The following COPG1 variants were observed in gnomAD, a reference collection of about 807,000 sequenced individuals.
COPG1 encodes the protein coatomer subunit gamma-1.
COPG1 carries 29 observed loss-of-function variants against 102.8 expected under a neutral mutation model. The ratio of observed to expected loss-of-function variants is 0.28; its 90% CI spans 0.21 to 0.38. COPG1 has a LOEUF of 0.38. Among genes scored for constraint, COPG1 ranks in the 10% least tolerant of loss-of-function variants. The pLI is 1.00. For synonymous variants in COPG1, 406 were observed against 421.6 expected (o/e 0.96, Z 0.45); for missense variants, 875 against 1,132.7 (o/e 0.77, Z 3.27).
intron 4 of COPG1, 23 bp from the exon 5 acceptor site, chr3:129,252,853 G>A: frequency 6.2e-7 from 1 of 1,612,484 alleles, no homozygotes; most frequent in African/African-American, 1.3e-5. Context: ...GGGCTGATAG[G>A]GCTTTTCCCA....
At chr3:129,276,690 G>A (rs1332468437) in intron 23 of COPG1, among the ~76,000 whole-genome samples, 2 of 152,164 alleles carry the variant, frequency 1.3e-5, no homozygotes, top group Non-Finnish European at 2.9e-5. Flanking sequence ...ACGTGCAAGA[G>A]CCTCTGTGAC....
intron 23 of COPG1, among the ~76,000 whole-genome samples, chr3:129,276,026 T>C (rs944219616): frequency 6.6e-6 from 1 of 152,202 alleles, no homozygotes; most frequent in African/African-American, 2.4e-5. Context: ...ACACTGAGAA[T>C]ATCTGTAGGA....
intron 19 of COPG1, 159 bp from the exon 20 acceptor site, chr3:129,272,083 TGG>T (rs1431850439): frequency 1.0e-6 from 1 of 970,292 alleles, no homozygotes; most frequent in Admixed American, 2.6e-5. Flanking sequence ...GGGACATCCA[TGG>T]CTCCCGATTG....
At chr3:129,276,949 G>C (rs1051431942) in intron 23 of COPG1, among the ~76,000 whole-genome samples, 3 of 150,262 alleles carry the variant, frequency 2.0e-5, no homozygotes, top group Non-Finnish European at 2.9e-5. Flanking sequence ...TCAGCCTCCC[G>C]AGTAGCTGGG....
chr3:129,255,403 T>C (rs1336450452), intron 7 of COPG1, among the ~76,000 whole-genome samples: 1 of 152,014 alleles, frequency 6.6e-6, no homozygotes, highest in Non-Finnish European at 1.5e-5. Context: ...GGTCTTGAAC[T>C]ACAGACCTCA....
chr3:129,254,915 C>A (rs887342417), intron 6 of COPG1, 70 bp from the exon 7 acceptor site: 3 of 1,336,634 alleles, frequency 2.2e-6, no homozygotes, highest in Non-Finnish European at 3.2e-6. Context: ...TCTCTGCCCC[C>A]ATTCCTGCAC....
At chr3:129,267,583 G>A (rs73202215) in intron 15 of COPG1, among the ~76,000 whole-genome samples, 29 of 152,078 alleles carry the variant, frequency 1.9e-4, no homozygotes, top group Non-Finnish European at 3.5e-4. Flanking sequence ...ATCATGCCCC[G>A]CATTCCAGCC....
chr3:129,252,433 ACT>A (rs1939719646), intron 3 of COPG1, 72 bp downstream of exon 3: 1 of 1,196,338 alleles, frequency 8.4e-7, no homozygotes, highest in South Asian at 1.2e-5. Context: ...AATCATGATC[ACT>A]CTTAGGCTAT....
intron 19 of COPG1, 54 bp from the exon 20 acceptor site, chr3:129,272,190 C>A: frequency 6.6e-7 from 1 of 1,521,150 alleles, no homozygotes; most frequent in Non-Finnish European, 9.1e-7. Context: ...TTTTCCTCTG[C>A]AGCATGGCTC....
intron 1 of COPG1, 38 bp downstream of exon 1, chr3:129,249,784 C>T: frequency 6.5e-7 from 1 of 1,530,630 alleles, no homozygotes; most frequent in Non-Finnish European, 8.8e-7. Flanking sequence ...GAGGCCGGAC[C>T]CCCACCCGCC....
chr3:129,275,304 T>G lies in COPG1; in HGVS notation c.2494+12T>G. On this transcript the variant is annotated intron_variant, in intron 23 of 23. Transcript: ENST00000314797. The surrounding 1 kb of genome is among the most constrained non-coding windows in gnomAD (Gnocchi z 5.0). ...GTTGCTCCTGGCTGGTAAGTGGCATTTCTAGATGGGGAGGGCCTGGATAGC... is the reference window on the plus strand; with the variant it reads ...GTTGCTCCTGGCTGGTAAGTGGCATGTCTAGATGGGGAGGGCCTGGATAGC... 1 of 1,612,208 alleles carries G rather than the reference T, an allele frequency of 6.2e-7. No individual in the cohort carries two copies. Among genetic ancestry groups the G allele is most frequent in the Non-Finnish European group, 8.5e-7 (1 of 1,178,308 alleles).
At position 129,268,927 on chromosome 3, in the gene COPG1, T is replaced by G. The variant is rs1940125234; in HGVS notation, c.1775-5T>G. The G allele has an allele frequency of 6.2e-7, 1 of 1,614,048 alleles. No homozygotes were observed. The highest frequency in any genetic ancestry group is 1.7e-5 in the Admixed American group (1 of 60,022). On this transcript the variant is annotated splice_polypyrimidine_tract_variant and splice_region_variant and intron_variant, in intron 17 of 23. Coordinates refer to ENST00000314797, the MANE Select transcript of COPG1 (RefSeq NM_016128.4). ...GGTCATCACGTGTATAATTTGCTCC[T>G]GCAGAAAGTACCCCCATCACAGCAG...
chr3:129,255,091 G>A lies in COPG1; in HGVS notation c.492+14G>A. On this transcript the variant is annotated intron_variant, in intron 7 of 23. Coordinates refer to ENST00000314797, the MANE Select transcript of COPG1 (RefSeq NM_016128.4). ...GTGTCTTCCTTGGTGTGTAGTTGCT[G>A]CTGGAGCCCTGCTGGGGGTGGGGTA... 6.3e-7 allele frequency: 1 copy of A among 1,587,516 alleles called. No homozygotes were observed. Among genetic ancestry groups the A allele is most frequent in the Non-Finnish European group, 8.6e-7 (1 of 1,156,220 alleles).
chr3:129,252,200 C>G, intron 2 of COPG1, 81 bp from the exon 3 acceptor site: 2 of 1,014,356 alleles, frequency 2.0e-6, no homozygotes, highest in Non-Finnish European at 3.1e-6. Context: ...TCAGTTTACC[C>G]TGAGACTTCT....
rs1174458653 is a variant in COPG1, at chr3:129,267,096, A to T, written c.1541A>T (p.Lys514Met). 4.3e-6 allele frequency: 7 copies of T among 1,613,648 alleles called. No homozygotes were observed. In the South Asian group the frequency reaches 7.7e-5, roughly 18 times the overall value. ...EMLPSILVLL[K>M]RCVMDDDNEV... Reference sequence around the variant, plus strand: ...TTACCCAGTATCTTGGTGTTGCTGAAGAGGTGAGTCTAGGCCCAGGGGCCC... The same window carrying T: ...TTACCCAGTATCTTGGTGTTGCTGATGAGGTGAGTCTAGGCCCAGGGGCCC... Residue 514 changes from lysine (K) to methionine (M), a missense_variant, in exon 15 of 24, where the codon AAG becomes ATG. By Grantham distance (95) the Lys-to-Met change is moderately conservative. Transcript: ENST00000314797.
chr3:129,264,881 G>T (rs1036347112), intron 13 of COPG1, among the ~76,000 whole-genome samples: 5 of 151,722 alleles, frequency 3.3e-5, no homozygotes, highest in Non-Finnish European at 4.4e-5. Flanking sequence ...GAGTGCAGTG[G>T]TGAGGTCTTG....
Position 129,263,974 on chromosome 3 carries a change from T to A in COPG1, c.1199T>A (p.Phe400Tyr). The change falls in exon 13 of 24, where the codon TTC (phenylalanine) becomes TAC (tyrosine). Residue 400 changes from phenylalanine (F) to tyrosine (Y), a missense_variant. Coordinates refer to ENST00000314797, the MANE Select transcript of COPG1 (RefSeq NM_016128.4). Reference sequence around the variant, plus strand: ...CGCAAACACGCCGTCCTTATGAACTTCCTGTTCACCATGCTGCGGGAAGAG... The same window carrying A: ...CGCAAACACGCCGTCCTTATGAACTACCTGTTCACCATGCTGCGGGAAGAG... ...YPRKHAVLMN[F>Y]LFTMLREEGG... The A allele has an allele frequency of 1.2e-6, 2 of 1,614,094 alleles. No homozygotes were observed. The highest frequency in any genetic ancestry group is 1.7e-6 in the Non-Finnish European group (2 of 1,179,976).
chr3:129,263,922 A>G lies in COPG1; in HGVS notation c.1147A>G (p.Ile383Val). 6.2e-7 allele frequency: 1 copy of G among 1,614,148 alleles called. No homozygotes were observed. Among genetic ancestry groups the G allele is most frequent in the Non-Finnish European group, 8.5e-7 (1 of 1,180,006 alleles). Residue 383 changes from isoleucine to valine, a missense_variant, in exon 13 of 24, where the codon ATC becomes GTC. Physicochemically the swap from Ile to Val is conservative, Grantham distance 29. Coordinates refer to ENST00000314797, the MANE Select transcript of COPG1 (RefSeq NM_016128.4). ...CATTTAGGTGGTGGTTGTCCAGGCC[A>G]TCAGTGCCCTGTGTCAGAAATATCC... is the stretch of plus-strand genomic sequence containing the variant. ...DEFKVVVVQAISALCQKYPRK... is the reference protein window; with the variant it reads ...DEFKVVVVQAVSALCQKYPRK...
intron 12 of COPG1, among the ~76,000 whole-genome samples, chr3:129,263,034 AAGAGTCCTTCTG>A (rs1417909443): frequency 0.015 from 2,143 of 144,444 alleles, 81 homozygotes; most frequent in East Asian, 0.098. Context: ...AAAAAAAAAA[AAGAGTCCTTCTG>A]GAGCAGAGTG....
Sources: allele counts gnomAD v4.1 joint callset (sites outside exome capture counted in the v4.1 genomes callset), GRCh38; gene constraint gnomAD v4.1.1; non-coding constraint Gnocchi (gnomAD v3.1); transcripts MANE v1.5; gene names NCBI Gene and HGNC (gene_info 2026-07-23, HGNC 2026-07-21).